The following BAZ2B variants were observed in gnomAD, a reference collection of about 807,000 sequenced individuals.
BAZ2B encodes bromodomain adjacent to zinc finger domain 2B.
In BAZ2B, 91 loss-of-function variants were observed where a neutral mutation model predicts 246.0. The ratio of observed to expected loss-of-function variants is 0.37; its 90% CI spans 0.31 to 0.44. BAZ2B has a LOEUF of 0.44. BAZ2B is among the 20% of genes least tolerant of loss of function. The pLI, the probability that BAZ2B is intolerant of heterozygous loss-of-function variation, is 1.00. For synonymous variants in BAZ2B, 855 were observed against 860.0 expected (o/e 0.99, Z 0.10); for missense variants, 2,332 against 2,533.7 (o/e 0.92, Z 1.71).
intron 2 of BAZ2B, among the ~76,000 whole-genome samples, chr2:159,529,285 C>T (rs2151308032): frequency 6.6e-6 from 1 of 151,518 alleles, no homozygotes; most frequent in South Asian, 2.1e-4. Context: ...ACAATGTGGG[C>T]TTTGGTTAAG....
At chr2:159,521,209 T>C (rs2084091381) in intron 2 of BAZ2B, among the ~76,000 whole-genome samples, 1 of 152,084 alleles carries the variant, frequency 6.6e-6, no homozygotes, top group Admixed American at 6.5e-5. Flanking sequence ...AAAAAAGTTA[T>C]AGGATAATTA....
rs1559151281 is a variant in BAZ2B, at chr2:159,373,057, C to G, written c.4201G>C (p.Glu1401Gln). 2 of 1,613,888 alleles carry G rather than the reference C, an allele frequency of 1.2e-6. No homozygotes were observed. The highest frequency in any genetic ancestry group is 2.2e-5 in the South Asian group (2 of 91,042). Residue 1401 changes from glutamate (E) to glutamine (Q), a missense_variant, in exon 27 of 37, where the codon GAG becomes CAG. Transcript: ENST00000392783. The stretch of plus-strand genomic sequence containing the variant: ...TATGAGTTCTAACCTTCACCACTCT[C>G]CATGCCTTCTACAAAAATCCCCCCA... The part of the protein sequence containing the change: ...QCGGIFVEGM[E>Q]SGEGLEEIAK...
intron 19 of BAZ2B, 70 bp from the exon 20 acceptor site, chr2:159,395,904 C>T (rs1043009123): frequency 1.5e-6 from 2 of 1,327,086 alleles, no homozygotes; most frequent in Non-Finnish European, 2.1e-6. Context: ...AATGAAAAAA[C>T]AAAAACAAAA....
At chr2:159,622,118 A>G in the BAZ2B span, among the ~76,000 whole-genome samples, 25 of 151,800 alleles carry the variant, frequency 1.6e-4, no homozygotes, top group African/African-American at 5.8e-4. Flanking sequence ...AAAAAAAAAA[A>G]ACTAGCTAGG....
intron 34 of BAZ2B, among the ~76,000 whole-genome samples, chr2:159,332,109 G>A (rs1406868966): frequency 6.6e-6 from 1 of 152,056 alleles, no homozygotes; most frequent in Admixed American, 6.6e-5. Context: ...ATTAAACATG[G>A]GAGAAAGTAA....
At chr2:159,678,711 C>A in the BAZ2B span, among the ~76,000 whole-genome samples, 1 of 152,148 alleles carries the variant, frequency 6.6e-6, no homozygotes, top group African/African-American at 2.4e-5. Context: ...GTGGGGGAGG[C>A]AAATAGTTCT....
chr2:159,461,529 A>G (rs1363635840), intron 3 of BAZ2B: 4 of 152,470 alleles, frequency 2.6e-5, no homozygotes, highest in African/African-American at 9.6e-5. Context: ...TAGCTGTTTA[A>G]TTCATTTGCT....
chr2:159,697,431 C>T, the BAZ2B span, among the ~76,000 whole-genome samples: 1 of 151,890 alleles, frequency 6.6e-6, no homozygotes, highest in Admixed American at 6.6e-5. Context: ...TCAGAAATTA[C>T]AATAGAAAAA....
chr2:159,712,228 C>T, the BAZ2B span: 1 of 152,094 alleles, frequency 6.6e-6, no homozygotes, highest in Admixed American at 6.5e-5. Flanking sequence ...GCGGGGACCG[C>T]CCCGGCCCGG....
chr2:159,550,545 G>T (rs930359494), intron 2 of BAZ2B, among the ~76,000 whole-genome samples: 1 of 152,076 alleles, frequency 6.6e-6, no homozygotes, highest in Non-Finnish European at 1.5e-5. Context: ...GGAGACTGGG[G>T]AAATGATGTT....
the BAZ2B span, among the ~76,000 whole-genome samples, chr2:159,680,237 G>GA: frequency 6.6e-6 from 1 of 152,102 alleles, no homozygotes; most frequent in Non-Finnish European, 1.5e-5. Context: ...AGAAGATGAA[G>GA]ATTACAACCT....
At chr2:159,429,294 T>A (rs2070629396) in intron 10 of BAZ2B, 34 bp from the exon 11 acceptor site, 1 of 1,237,288 alleles carries the variant, frequency 8.1e-7, no homozygotes, top group South Asian at 1.7e-5. Flanking sequence ...ATATAAAACA[T>A]TCATTAATAT....
intron 17 of BAZ2B, 163 bp from the exon 18 acceptor site, chr2:159,399,057 G>T: frequency 1.9e-6 from 1 of 533,948 alleles, no homozygotes; most frequent in Non-Finnish European, 3.1e-6. Flanking sequence ...TATGTTTAAC[G>T]TAATAATTTT....
chr2:159,409,830 A>G (rs2066545200), intron 14 of BAZ2B, among the ~76,000 whole-genome samples: 1 of 152,224 alleles, frequency 6.6e-6, no homozygotes, highest in South Asian at 2.1e-4. Flanking sequence ...GAAAGAGTAC[A>G]TGTAATATAC....
rs2076996639 is a variant in BAZ2B, at chr2:159,465,994, C to A, written c.146-12193G>T. ...TAACACATCAACTAAAAGAGAAAAT[C>A]ATGCTGTAATAGTTCAGAGTATAAC... On this transcript the variant is annotated intron_variant, in intron 3 of 36. Transcript: ENST00000392783. 1.3e-5 allele frequency among the ~76,000 whole-genome samples: 2 copies of A among 151,952 alleles called. 1 individual carries two copies. The highest frequency in any genetic ancestry group is 4.1e-4 in the South Asian group (2 of 4,828).
the BAZ2B span, among the ~76,000 whole-genome samples, chr2:159,704,751 G>A: frequency 6.6e-6 from 1 of 151,838 alleles, no homozygotes; most frequent in Non-Finnish European, 1.5e-5. Context: ...CAAAGTGTTA[G>A]GATTAGAGGC....
chr2:159,521,998 T>A (rs1578058829), intron 2 of BAZ2B, among the ~76,000 whole-genome samples: 1 of 152,052 alleles, frequency 6.6e-6, no homozygotes, highest in Non-Finnish European at 1.5e-5. Flanking sequence ...CTACTGATAA[T>A]TATTAAATGA....
chr2:159,504,991 T>A (rs2082184986), intron 2 of BAZ2B, among the ~76,000 whole-genome samples: 1 of 152,184 alleles, frequency 6.6e-6, no homozygotes, highest in Non-Finnish European at 1.5e-5. Flanking sequence ...TTTATAAAGC[T>A]ACATATTTAT....
chr2:159,582,015 A>G (rs1369426833), intron 1 of BAZ2B, among the ~76,000 whole-genome samples: 1 of 152,148 alleles, frequency 6.6e-6, no homozygotes, highest in Non-Finnish European at 1.5e-5. Context: ...ACATGTGTAC[A>G]TATGTAACAA....
Sources: gnomAD v4.1 joint callset for allele counts (sites outside exome capture counted in the v4.1 genomes callset) on GRCh38, gnomAD v4.1.1 for gene constraint, MANE v1.5 for transcripts, NCBI Gene and HGNC (gene_info 2026-07-23, HGNC 2026-07-21) for gene names.